CNTN6: variants seen among roughly 807,000 people sequenced by gnomAD.
The protein encoded by CNTN6 is contactin-6.
In CNTN6, 137 loss-of-function variants were observed where a neutral mutation model predicts 122.8. The observed-to-expected ratio is 1.12, with a 90% CI of 0.97 to 1.29. CNTN6 has a LOEUF of 1.29. Among genes scored for constraint, CNTN6 ranks in the 50% most tolerant of loss-of-function variants. CNTN6 has a pLI of 0.00. For synonymous variants in CNTN6, 570 were observed against 426.0 expected, an observed-to-expected ratio of 1.34 and a Z score of -4.16; for missense variants, 1,634 against 1,223.4, an observed-to-expected ratio of 1.34 and a Z score of -5.01.
chr3:1,195,184 T>C (rs2093758768), intron 2 of CNTN6, among the ~76,000 whole-genome samples: 2 of 152,104 alleles, frequency 1.3e-5, no homozygotes. Context: ...CCTTCTTACA[T>C]TGTATTCTTT....
intron 11 of CNTN6, among the ~76,000 whole-genome samples, chr3:1,347,424 G>A (rs1704902431): frequency 6.6e-6 from 1 of 152,112 alleles, no homozygotes; most frequent in South Asian, 2.1e-4. Context: ...AAAGACATGA[G>A]AGAAATGGCG....
At chr3:1,239,748 G>T (rs923008349) in intron 4 of CNTN6, among the ~76,000 whole-genome samples, 1 of 152,082 alleles carries the variant, frequency 6.6e-6, no homozygotes, top group East Asian at 1.9e-4. Context: ...ACACTGGGAG[G>T]CATCACGTTA....
intron 2 of CNTN6, among the ~76,000 whole-genome samples, chr3:1,192,006 C>G (rs1559486037): frequency 6.6e-6 from 1 of 152,138 alleles, no homozygotes; most frequent in Non-Finnish European, 1.5e-5. Context: ...TGACACCTAC[C>G]TACTTTATTG....
chr3:1,105,807 G>C (rs1574860932), intron 1 of CNTN6, among the ~76,000 whole-genome samples: 1 of 152,108 alleles, frequency 6.6e-6, no homozygotes, highest in South Asian at 2.1e-4. Flanking sequence ...TGATCATTAA[G>C]TGCCTGCTTA....
chr3:1,183,152 T>A (rs546665872), intron 2 of CNTN6, among the ~76,000 whole-genome samples: 2 of 152,286 alleles, frequency 1.3e-5, no homozygotes, highest in South Asian at 4.1e-4. Context: ...ATAATGCCAC[T>A]GAATTCCTAT....
At chr3:1,168,277 A>G (rs77424697) in intron 2 of CNTN6, among the ~76,000 whole-genome samples, 2,623 of 151,412 alleles carry the variant, frequency 0.017, 69 homozygotes, top group African/African-American at 0.059. Flanking sequence ...AAAAATATGA[A>G]TGAAAGTAAT....
At chr3:1,098,801 T>C (rs932004008) in intron 1 of CNTN6, among the ~76,000 whole-genome samples, 9 of 135,852 alleles carry the variant, frequency 6.6e-5, no homozygotes, top group Non-Finnish European at 1.3e-4. Context: ...TATATATATA[T>C]ATATATATAT....
chr3:1,230,364 G>A (rs2094338777), intron 4 of CNTN6, among the ~76,000 whole-genome samples: 1 of 152,186 alleles, frequency 6.6e-6, no homozygotes, highest in Admixed American at 6.5e-5. Context: ...TGGAGTCACT[G>A]AGAAAATGAA....
At chr3:1,389,115 A>T (rs916329020) in intron 20 of CNTN6, among the ~76,000 whole-genome samples, 1 of 145,266 alleles carries the variant, frequency 6.9e-6, no homozygotes, top group Admixed American at 6.9e-5. Flanking sequence ...TAATTGTCAG[A>T]TTCACCAAAG....
At chr3:1,230,419 C>T (rs533470470) in intron 4 of CNTN6, among the ~76,000 whole-genome samples, 1 of 152,254 alleles carries the variant, frequency 6.6e-6, no homozygotes, top group Admixed American at 6.5e-5. Context: ...AATGACAGCT[C>T]TAATTCTTTC....
At chr3:1,255,752 A>G (rs116141001) in intron 4 of CNTN6, among the ~76,000 whole-genome samples, 3,306 of 152,224 alleles carry the variant, frequency 0.022, 119 homozygotes, top group African/African-American at 0.076. Flanking sequence ...AACCTACTGC[A>G]GCTTCAAACT....
intron 10 of CNTN6, 63 bp from the exon 11 acceptor site, chr3:1,329,722 C>T: frequency 7.1e-7 from 1 of 1,403,476 alleles, no homozygotes; most frequent in Non-Finnish European, 9.8e-7. Flanking sequence ...TAGCAAGTCA[C>T]CCCTGGAGTC....
chr3:1,116,695 A>C (rs2091731935), intron 1 of CNTN6, among the ~76,000 whole-genome samples: 1 of 135,650 alleles, frequency 7.4e-6, no homozygotes, highest in Admixed American at 8.8e-5. Flanking sequence ...CAAGTCATCA[A>C]ATCTTTTTTT....
chr3:1,158,901 CACATATATAT>C, intron 2 of CNTN6, among the ~76,000 whole-genome samples: 2 of 93,236 alleles, frequency 2.1e-5, no homozygotes, highest in African/African-American at 5.1e-5. Context: ...CATATATATA[CACATATATAT>C]ACACACACAT....
In CNTN6 at chr3:1,372,354, T is replaced by A. The variant is rs1329258411; in HGVS notation, c.1548T>A (p.Ser516Arg). Residue 516 changes from serine to arginine, a missense_variant, in exon 13 of 23, where the codon AGT becomes AGA. By Grantham distance (110) the Ser-to-Arg change is moderately radical (BLOSUM62 -1). Transcript: ENST00000446702. ...AAATGGATGTTACAGTTGGCGAGAG[T>A]ATAGTGCTACCATGCCAGGTGTCCC... ...PSKMDVTVGE[S>R]IVLPCQVSHD... 15 of 1,613,204 alleles carry A rather than the reference T, an allele frequency of 9.3e-6. No homozygotes were observed. Among genetic ancestry groups the A allele is most frequent in the Admixed American group, 1.7e-5 (1 of 59,884 alleles).
intron 5 of CNTN6, among the ~76,000 whole-genome samples, chr3:1,292,460 C>A (rs1168144160): frequency 6.6e-6 from 1 of 152,070 alleles, no homozygotes; most frequent in East Asian, 1.9e-4. Flanking sequence ...TTGCATGCGT[C>A]ATTTGGAGGG....
In CNTN6 at chr3:1,383,117, A is replaced by ATAAT. The variant is rs1250562264; in HGVS notation, c.2343_2346dup (p.Asn783Ter). On this transcript the variant is annotated frameshift_variant, in exon 18 of 23. Coordinates refer to ENST00000446702, the MANE Select transcript of CNTN6 (RefSeq NM_001289080.2). LOFTEE classifies it high-confidence loss of function. ...CCCTTTGAAGTCAAAGTGGGTGTGT[A>ATAAT]TAATAATGAAGGAGAAGGATCCCTG... is the stretch of plus-strand genomic sequence containing the variant. 6.2e-7 allele frequency: 1 copy of ATAAT among 1,614,086 alleles called. No individual in the cohort carries two copies. The highest frequency in any genetic ancestry group is 8.5e-7 in the Non-Finnish European group (1 of 1,179,960).
At chr3:1,197,112 C>T (rs2093788729) in intron 2 of CNTN6, among the ~76,000 whole-genome samples, 2 of 152,188 alleles carry the variant, frequency 1.3e-5, no homozygotes, top group African/African-American at 2.4e-5. Flanking sequence ...TGATTGCCCA[C>T]GTTTGCCTGA....
chr3:1,277,442 C>T (rs1391202057), intron 4 of CNTN6, among the ~76,000 whole-genome samples: 3 of 145,898 alleles, frequency 2.1e-5, no homozygotes, highest in South Asian at 2.2e-4. Context: ...TCATTGCAAC[C>T]TCTGCCTCCT....
Sources: allele counts gnomAD v4.1 joint callset (sites outside exome capture counted in the v4.1 genomes callset), GRCh38; gene constraint gnomAD v4.1.1; transcripts MANE v1.5; gene names NCBI Gene and HGNC (gene_info 2026-07-23, HGNC 2026-07-21).